The following DCC variants were observed in gnomAD, a reference collection of about 807,000 sequenced individuals.
The protein encoded by DCC is netrin receptor DCC.
Under a neutral mutation model 172.5 loss-of-function variants are expected in DCC, and 58 were observed. That is an observed-to-expected ratio of 0.34 (90% confidence interval 0.27 to 0.42). DCC has a LOEUF of 0.42. DCC is among the 10% of genes least tolerant of loss of function. The pLI, the probability that DCC is intolerant of heterozygous loss-of-function variation, is 1.00. For synonymous variants in DCC, 709 were observed against 644.5 expected (o/e 1.10, Z -1.52); for missense variants, 1,740 against 1,791.0 (o/e 0.97, Z 0.51).
chr18:53,084,864 C>G (rs1390755802), intron 7 of DCC, among the ~76,000 whole-genome samples: 1 of 152,166 alleles, frequency 6.6e-6, no homozygotes, highest in Non-Finnish European at 1.5e-5. Context: ...AATTTTGCAT[C>G]TACATTCTGA....
At chr18:52,453,261 G>A (rs567407123) in intron 1 of DCC, among the ~76,000 whole-genome samples, 1 of 152,294 alleles carries the variant, frequency 6.6e-6, no homozygotes, top group African/African-American at 2.4e-5. Flanking sequence ...AGATCCATTA[G>A]GCTCGGTAGA....
intron 12 of DCC, among the ~76,000 whole-genome samples, chr18:53,282,290 T>A (rs1207166654): frequency 6.6e-6 from 1 of 152,204 alleles, no homozygotes; most frequent in Non-Finnish European, 1.5e-5. Context: ...ACTGCAAGAC[T>A]GTCCTGCTTC....
intron 7 of DCC, among the ~76,000 whole-genome samples, chr18:53,120,370 A>G (rs2043467388): frequency 2.0e-5 from 3 of 151,752 alleles, no homozygotes; most frequent in Non-Finnish European, 3.0e-5. Context: ...GGTTTTTTTC[A>G]TATATTAGAC....
chr18:52,677,506 A>G (rs1216211144), intron 1 of DCC, among the ~76,000 whole-genome samples: 5 of 151,626 alleles, frequency 3.3e-5, no homozygotes, highest in African/African-American at 7.3e-5. Context: ...TTTTATTATT[A>G]TTGTTTCTAT....
chr18:52,876,063 G>T (rs955256510), intron 2 of DCC, among the ~76,000 whole-genome samples: 1 of 151,996 alleles, frequency 6.6e-6, no homozygotes, highest in African/African-American at 2.4e-5. Flanking sequence ...CTAGTATTTT[G>T]ATGTTCTTTA....
At chr18:53,067,684 G>A (rs2042593095) in intron 7 of DCC, among the ~76,000 whole-genome samples, 2 of 152,208 alleles carry the variant, frequency 1.3e-5, no homozygotes, top group Admixed American at 6.5e-5. Context: ...GGACAAGACA[G>A]TTGTTAATAC....
At chr18:52,748,765 C>T (rs2036948415) in intron 1 of DCC, among the ~76,000 whole-genome samples, 1 of 152,202 alleles carries the variant, frequency 6.6e-6, no homozygotes, top group Non-Finnish European at 1.5e-5. Flanking sequence ...TACTGAGTGA[C>T]AGAACATCTC....
intron 12 of DCC, among the ~76,000 whole-genome samples, chr18:53,245,470 G>T (rs1193374728): frequency 2.6e-5 from 4 of 152,106 alleles, no homozygotes; most frequent in Non-Finnish European, 4.4e-5. Flanking sequence ...ATGAGCTTAT[G>T]TTGGTAATGT....
intron 23 of DCC, among the ~76,000 whole-genome samples, chr18:53,452,776 T>C (rs1349020974): frequency 6.6e-6 from 1 of 152,226 alleles, no homozygotes; most frequent in East Asian, 1.9e-4. Context: ...TTGTTTCATA[T>C]CTTTCTTCAG....
intron 12 of DCC, among the ~76,000 whole-genome samples, chr18:53,269,751 G>A (rs2056726846): frequency 6.6e-6 from 1 of 152,080 alleles, no homozygotes; most frequent in South Asian, 2.1e-4. Context: ...GTCCCAAAGT[G>A]CACAGCTAGA....
chr18:53,232,600 G>C (rs767224812), intron 12 of DCC, among the ~76,000 whole-genome samples: 15 of 151,976 alleles, frequency 9.9e-5, no homozygotes, highest in Non-Finnish European at 2.1e-4. Context: ...AACCTCTCAG[G>C]GTACCTTGTG....
intron 22 of DCC, among the ~76,000 whole-genome samples, chr18:53,450,212 T>C (rs2045391604): frequency 6.6e-6 from 1 of 151,920 alleles, no homozygotes; most frequent in South Asian, 2.1e-4. Context: ...ATTTGTTTAT[T>C]CATTTATCAG....
At chr18:52,654,630 C>T (rs538799856) in intron 1 of DCC, among the ~76,000 whole-genome samples, 3 of 152,144 alleles carry the variant, frequency 2.0e-5, no homozygotes, top group South Asian at 2.1e-4. Context: ...TGGATTAAGG[C>T]TCACCCAAAA....
intron 1 of DCC, among the ~76,000 whole-genome samples, chr18:52,360,797 A>G (rs1349992268): frequency 6.6e-6 from 1 of 152,254 alleles, no homozygotes; most frequent in Non-Finnish European, 1.5e-5. Context: ...GCCAAAAATG[A>G]AATTGGATAC....
chr18:52,934,113 AATTATC>A (rs2040348163), intron 5 of DCC, among the ~76,000 whole-genome samples: 1 of 152,082 alleles, frequency 6.6e-6, no homozygotes, highest in Non-Finnish European at 1.5e-5. Flanking sequence ...TTTCATATCC[AATTATC>A]ATTATCTATA....
rs149735240 is a variant in DCC at position 53,340,208 on chromosome 18, G to T, written c.2359+301G>T. Reference sequence around the variant, plus strand: ...ATGGGTTATAGGATACAAAAAGTGCGTTGGGCCATTTTTCTTTTTCCAGTG... The same window carrying T: ...ATGGGTTATAGGATACAAAAAGTGCTTTGGGCCATTTTTCTTTTTCCAGTG... On this transcript the variant is annotated intron_variant, in intron 15 of 28. Coordinates refer to ENST00000442544, the MANE Select transcript of DCC (RefSeq NM_005215.4). 9.3e-4 allele frequency among the ~76,000 whole-genome samples: 142 copies of T among 152,194 alleles called. 1 individual carries two copies. The highest frequency in any genetic ancestry group is 3.0e-3 in the African/African-American group (126 of 41,514).
chr18:52,943,739 T>TG (rs959623374), intron 5 of DCC, among the ~76,000 whole-genome samples: 3 of 17,478 alleles, frequency 1.7e-4, no homozygotes, highest in African/African-American at 2.7e-4. Flanking sequence ...CAATTTATGG[T>TG]TTTTTTTTTT....
chr18:52,928,673 G>A (rs2040256159), intron 5 of DCC, among the ~76,000 whole-genome samples: 1 of 152,154 alleles, frequency 6.6e-6, no homozygotes, highest in African/African-American at 2.4e-5. Context: ...AGTATCCTCT[G>A]TGGGAAGTAC....
At chr18:52,919,425 C>CT (rs2040086812) in intron 3 of DCC, among the ~76,000 whole-genome samples, 1 of 152,146 alleles carries the variant, frequency 6.6e-6, no homozygotes, top group South Asian at 2.1e-4. Flanking sequence ...ACTATTTGAA[C>CT]TTATCAAATG....
Sources: allele counts gnomAD v4.1 joint callset (sites outside exome capture counted in the v4.1 genomes callset), GRCh38; gene constraint gnomAD v4.1.1; transcripts MANE v1.5; gene names NCBI Gene and HGNC (gene_info 2026-07-23, HGNC 2026-07-21).